Variants in KANK2 observed in about 807,000 individuals in gnomAD.
The protein encoded by KANK2 is KN motif and ankyrin repeat domain-containing protein 2.
A neutral mutation model predicts 74.6 loss-of-function variants in KANK2; 41 were observed. The observed-to-expected ratio is 0.55, with a 90% CI of 0.43 to 0.71. The LOEUF (loss-of-function observed/expected upper bound fraction) is 0.71. Ranked by LOEUF, KANK2 falls within the 30% of genes least tolerant of loss-of-function variation. The pLI is 0.00. For synonymous variants in KANK2, 537 were observed against 519.0 expected (o/e 1.03, Z -0.47); for missense variants, 1,148 against 1,196.4 (o/e 0.96, Z 0.60).
chr19:11,171,380 A>G (rs1429209979), intron 10 of KANK2, among the ~76,000 whole-genome samples: 1 of 151,900 alleles, frequency 6.6e-6, no homozygotes, highest in African/African-American at 2.4e-5. Context: ...ATGGGAGGTC[A>G]AGGCTGCAGT....
At chr19:11,194,170 G>A (rs1436728288) in intron 3 of KANK2, 128 bp from the exon 4 acceptor site, 4 of 1,028,372 alleles carry the variant, frequency 3.9e-6, no homozygotes, top group South Asian at 1.7e-5. Context: ...ACTCAACCGC[G>A]TCTGCTCTCA....
At chr19:11,166,641 T>A (rs1350080202) in intron 12 of KANK2, 30 bp from the exon 13 acceptor site, 2 of 1,611,792 alleles carry the variant, frequency 1.2e-6, no homozygotes, top group African/African-American at 1.3e-5. Context: ...TTCTTTTTGT[T>A]TGGGATCCTT....
intron 4 of KANK2, among the ~76,000 whole-genome samples, chr19:11,186,173 AG>A: frequency 6.6e-6 from 1 of 152,286 alleles, no homozygotes; most frequent in South Asian, 2.1e-4. Flanking sequence ...GGATCACCTA[AG>A]GATGAGAGTT....
intron 12 of KANK2, among the ~76,000 whole-genome samples, chr19:11,168,085 C>T (rs2147364853): frequency 6.6e-6 from 1 of 150,520 alleles, no homozygotes; most frequent in East Asian, 2.0e-4. Context: ...TCACTGCAAC[C>T]TCCACCTCCT....
chr19:11,193,191 T>G lies in KANK2; in HGVS notation c.889A>C (p.Lys297Gln). ...AKVAVLETQL[K>Q]KALQELQAAQ... ...GCCTGCAGCTCCTGCAGCGCCTTCT[T>G]GAGCTGGGTCTCCAGCACAGCGACC... The change falls in exon 4 of 13, where the codon AAG (lysine) becomes CAG (glutamine). Residue 297 changes from lysine (K) to glutamine (Q), a missense_variant. By Grantham distance (53) the Lys-to-Gln change is moderately conservative. Transcript: ENST00000586659. This position sits in a 1 kb window ranked among gnomAD's most constrained non-coding sequence, Gnocchi z 9.6. 1 of 1,610,222 alleles carries G rather than the reference T, an allele frequency of 6.2e-7. No individual in the cohort carries two copies. The highest frequency in any genetic ancestry group is 1.1e-5 in the South Asian group (1 of 91,070).
chr19:11,170,303 C>T lies in KANK2; in HGVS notation c.2212-55G>A. On this transcript the variant is annotated intron_variant, in intron 10 of 12. Coordinates refer to ENST00000586659, the MANE Select transcript of KANK2 (RefSeq NM_001136191.3). This position sits in a 1 kb window ranked among gnomAD's most constrained non-coding sequence, Gnocchi z 5.2. ...TCATGCAGGCCCCAGGGCAGGACAC[C>T]CCCTGGTCTAGAACCTGCTGTAGCT... 1.4e-6 allele frequency: 2 copies of T among 1,476,938 alleles called. No individual in the cohort carries two copies. Among genetic ancestry groups the T allele is most frequent in the South Asian group, 1.1e-5 (1 of 87,804 alleles). The allele number at this position is 1,476,938 out of a possible 1,614,324, so 91.5% of individuals were successfully genotyped here. A position where few individuals can be genotyped will look rare whatever the true frequency, so the allele number is the denominator to read the frequency against.
At chr19:11,185,683 G>A (rs1224872274) in intron 4 of KANK2, among the ~76,000 whole-genome samples, 1 of 150,142 alleles carries the variant, frequency 6.7e-6, no homozygotes, top group African/African-American at 2.4e-5. Flanking sequence ...GACTTACAGA[G>A]GAACCTTATT....
Position 11,166,585 on chromosome 19 carries a change from G to A in KANK2, c.2529C>T (p.Ser843=), listed in dbSNP as rs2078027972. 2 of 1,614,172 alleles carry A rather than the reference G, an allele frequency of 1.2e-6. No individual in the cohort carries two copies. Among genetic ancestry groups the A allele is most frequent in the Non-Finnish European group, 1.7e-6 (2 of 1,179,986 alleles). The part of the protein sequence containing the change: ...CSFAPMSDDE[S]PTSSSAEE Reference sequence around the variant, plus strand: ...ACTCTTCTGCCGAGGATGATGTAGGGCTCTCGTCATCTGACATTGGGGCAA... The same window carrying A: ...ACTCTTCTGCCGAGGATGATGTAGGACTCTCGTCATCTGACATTGGGGCAA... Residue 843 remains serine (S), a synonymous_variant, in exon 13 of 13, where the codon AGC becomes AGT. Coordinates refer to ENST00000586659, the MANE Select transcript of KANK2 (RefSeq NM_001136191.3).
chr19:11,192,221 A>G (rs538045198), intron 4 of KANK2, among the ~76,000 whole-genome samples: 1 of 152,192 alleles, frequency 6.6e-6, no homozygotes, highest in African/African-American at 2.4e-5. Context: ...TGCCTGGTAA[A>G]CCAACAGCCT....
chr19:11,176,817 C>T lies in KANK2; in HGVS notation c.1521G>A (p.Gly507=), dbSNP rs764235372. The T allele has an allele frequency of 6.6e-6, 10 of 1,507,866 alleles. No homozygotes were observed. In the Admixed American group the frequency reaches 2.2e-4, roughly 33 times the overall value. The allele number at this position is 1,507,866 out of a possible 1,614,324, so 93.4% of individuals were successfully genotyped here. ...RSLQFVGVNG[G]YESSSEDSST... ...TGGAGTCCTCGGATGACGACTCATA[C>T]CTGGGGAGGAACGAGCGGGGAGGGG... The change falls in exon 7 of 13, where the codon GGG becomes GGA. Residue 507 remains glycine, a splice_region_variant and synonymous_variant. Coordinates refer to ENST00000586659, the MANE Select transcript of KANK2 (RefSeq NM_001136191.3).
intron 8 of KANK2, among the ~76,000 whole-genome samples, chr19:11,175,133 A>T (rs1402424322): frequency 6.6e-6 from 1 of 151,744 alleles, no homozygotes; most frequent in African/African-American, 2.4e-5. Flanking sequence ...AATTTTTAAA[A>T]CAATTTGTAG....
chr19:11,172,312 C>A (rs984662836), intron 10 of KANK2, among the ~76,000 whole-genome samples: 1 of 152,104 alleles, frequency 6.6e-6, no homozygotes, highest in Non-Finnish European at 1.5e-5. Context: ...AAAAAAATTT[C>A]TTGGAAATTA....
At chr19:11,190,559 C>T (rs749302040) in intron 4 of KANK2, among the ~76,000 whole-genome samples, 1 of 152,108 alleles carries the variant, frequency 6.6e-6, no homozygotes, top group Non-Finnish European at 1.5e-5. Context: ...AGTACTTAAC[C>T]GTGTGCATTA....
chr19:11,187,172 G>A (rs1193888764), intron 4 of KANK2, among the ~76,000 whole-genome samples: 2 of 151,986 alleles, frequency 1.3e-5, no homozygotes, highest in Non-Finnish European at 2.9e-5. Flanking sequence ...CAGGAGAATT[G>A]CTTGAACCCG....
At chr19:11,174,814 G>A (rs2078286862) in intron 8 of KANK2, 122 bp from the exon 9 acceptor site, 4 of 749,252 alleles carry the variant, frequency 5.3e-6, no homozygotes, top group Middle Eastern at 3.7e-4. Context: ...GATCTCAAGG[G>A]AAGTGCAGAC....
intron 4 of KANK2, among the ~76,000 whole-genome samples, chr19:11,185,779 G>A (rs1170012096): frequency 1.5e-5 from 2 of 133,072 alleles, no homozygotes; most frequent in South Asian, 2.2e-4. Context: ...TCCGAGGCTC[G>A]CATTTATAAT....
Position 11,193,052 on chromosome 19 carries a change from G to A in KANK2, c.1028C>T (p.Ala343Val). 1.9e-6 allele frequency: 3 copies of A among 1,611,112 alleles called. No individual in the cohort carries two copies. The highest frequency in any genetic ancestry group is 2.5e-6 in the Non-Finnish European group (3 of 1,178,858). Residue 343 changes from alanine (A) to valine (V), a missense_variant, in exon 4 of 13, where the codon GCC becomes GTC. Coordinates refer to ENST00000586659, the MANE Select transcript of KANK2 (RefSeq NM_001136191.3). This position sits in a 1 kb window ranked among gnomAD's most constrained non-coding sequence, Gnocchi z 9.6. The part of the protein sequence containing the change: ...VEGPREVEVV[A>V]STAAGAPAQR... ...TGCGGGGGCGCCAGCGGCTGTGCTG[G>A]CCACCACCTCCACCTCCCGTGGCCC...
chr19:11,174,992 C>G lies in KANK2; in HGVS notation c.1849-300G>C, dbSNP rs192910176. On this transcript the variant is annotated intron_variant, in intron 8 of 12. Transcript: ENST00000586659. Reference sequence around the variant, plus strand: ...TTTTTTTGTGAGACAGAGTCTCGCTCTGTTGCCTAGGCTGGAGTGCAGTTA... The same window carrying G: ...TTTTTTTGTGAGACAGAGTCTCGCTGTGTTGCCTAGGCTGGAGTGCAGTTA... Among the ~76,000 whole-genome samples the G allele has an allele frequency of 1.2e-3, 175 of 149,126 alleles. 1 individual carries two copies. Among genetic ancestry groups the G allele is most frequent in the Admixed American group, 8.0e-3 (120 of 14,936 alleles).
At chr19:11,183,298 G>T (rs1371310883) in intron 4 of KANK2, among the ~76,000 whole-genome samples, 3 of 152,224 alleles carry the variant, frequency 2.0e-5, no homozygotes, top group Non-Finnish European at 2.9e-5. Flanking sequence ...AAGCCAGTGG[G>T]AGACGGTGGA....
Sources: allele counts gnomAD v4.1 joint callset (sites outside exome capture counted in the v4.1 genomes callset), GRCh38; gene constraint gnomAD v4.1.1; non-coding constraint Gnocchi (gnomAD v3.1); transcripts MANE v1.5; gene names NCBI Gene and HGNC (gene_info 2026-07-23, HGNC 2026-07-21).